The following RARB variants were observed in gnomAD, a reference collection of about 807,000 sequenced individuals.
RARB encodes the protein HBV-activated protein.
In RARB, 17 loss-of-function variants were observed where a neutral mutation model predicts 51.9. That is an observed-to-expected ratio of 0.33 (90% CI 0.22 to 0.49). The LOEUF is 0.49. RARB is among the 20% of genes least tolerant of loss of function. The pLI, the probability that RARB is intolerant of heterozygous loss-of-function variation, is 0.99. For synonymous variants in RARB, 215 were observed against 195.4 expected (o/e 1.10, Z -0.84); for missense variants, 369 against 550.8 (o/e 0.67, Z 3.30).
intron 5 of RARB, among the ~76,000 whole-genome samples, chr3:25,384,986 C>A (rs928886510): frequency 6.6e-6 from 1 of 152,144 alleles, no homozygotes; most frequent in East Asian, 1.9e-4. Flanking sequence ...TCTGTTTTGT[C>A]ATAAATGCAT....
At chr3:24,949,074 C>T (rs953427295) in intron 2 of RARB, among the ~76,000 whole-genome samples, 1 of 152,196 alleles carries the variant, frequency 6.6e-6, no homozygotes, top group East Asian at 1.9e-4. Context: ...GCTGAAAGAC[C>T]TGGGTCTTCT....
At chr3:25,126,952 T>C (rs1699869278) in intron 3 of RARB, among the ~76,000 whole-genome samples, 1 of 152,112 alleles carries the variant, frequency 6.6e-6, no homozygotes, top group African/African-American at 2.4e-5. Context: ...TTCCATCAAA[T>C]GCAAGTTCTT....
At chr3:25,342,239 C>T (rs1705250434) in intron 5 of RARB, among the ~76,000 whole-genome samples, 1 of 152,324 alleles carries the variant, frequency 6.6e-6, no homozygotes, top group East Asian at 1.9e-4. Context: ...AGTTTAGTCA[C>T]AGTATGAAGG....
chr3:25,435,451 C>A (rs539335060), intron 1 of RARB, among the ~76,000 whole-genome samples: 3 of 152,134 alleles, frequency 2.0e-5, no homozygotes, highest in Non-Finnish European at 2.9e-5. Flanking sequence ...GTCATGTCAT[C>A]AAAGTCCATA....
chr3:24,846,375 TA>T (rs1444702943), intron 1 of RARB, among the ~76,000 whole-genome samples: 1 of 152,182 alleles, frequency 6.6e-6, no homozygotes, highest in Non-Finnish European at 1.5e-5. Context: ...TACCATTCTT[TA>T]AAAAAATTCC....
chr3:24,897,186 T>A (rs954751291), intron 2 of RARB, among the ~76,000 whole-genome samples: 1 of 152,228 alleles, frequency 6.6e-6, no homozygotes, highest in Non-Finnish European at 1.5e-5. Context: ...TAGTTGGCTG[T>A]ATCTATCATT....
chr3:25,389,935 A>G (rs1479671366), intron 5 of RARB, among the ~76,000 whole-genome samples: 1 of 152,176 alleles, frequency 6.6e-6, no homozygotes, highest in Non-Finnish European at 1.5e-5. Context: ...TGTAGATAGC[A>G]AAAGGTTCCA....
intron 3 of RARB, among the ~76,000 whole-genome samples, chr3:25,108,854 C>T (rs921585559): frequency 1.3e-5 from 2 of 152,130 alleles, no homozygotes; most frequent in Admixed American, 1.3e-4. Flanking sequence ...AAATTAGTCT[C>T]ATTGTGTCAT....
intron 2 of RARB, among the ~76,000 whole-genome samples, chr3:24,910,678 A>G (rs975188483): frequency 3.3e-5 from 5 of 151,902 alleles, no homozygotes; most frequent in South Asian, 2.1e-4. Context: ...ATTTCCTTCC[A>G]TTTTCAACCC....
intron 2 of RARB, among the ~76,000 whole-genome samples, chr3:24,880,715 A>C (rs538714147): frequency 6.6e-6 from 1 of 152,318 alleles, no homozygotes; most frequent in African/African-American, 2.4e-5. Flanking sequence ...ATGCACAAGC[A>C]GATATGAAAA....
chr3:25,584,986 C>G (rs550090883), intron 5 of RARB, among the ~76,000 whole-genome samples: 2 of 151,314 alleles, frequency 1.3e-5, no homozygotes, highest in South Asian at 4.2e-4. Flanking sequence ...AATCCTGGCT[C>G]CACATAGATC....
At chr3:25,142,620 T>C (rs1416459501) in intron 4 of RARB, among the ~76,000 whole-genome samples, 4 of 151,584 alleles carry the variant, frequency 2.6e-5, no homozygotes, top group Admixed American at 2.6e-4. Flanking sequence ...ATCCCATCTG[T>C]GTCATATCTG....
chr3:25,103,151 A>G (rs1699435902), intron 3 of RARB, among the ~76,000 whole-genome samples: 1 of 152,152 alleles, frequency 6.6e-6, no homozygotes, highest in Non-Finnish European at 1.5e-5. Context: ...CAGGATCATG[A>G]GCTTCGTTCC....
At chr3:25,167,143 C>A (rs1700573529) in intron 4 of RARB, among the ~76,000 whole-genome samples, 1 of 152,192 alleles carries the variant, frequency 6.6e-6, no homozygotes, top group Admixed American at 6.5e-5. Flanking sequence ...TTAACTCCCT[C>A]TTCAGAGAAG....
chr3:25,082,368 T>C (rs1699024202), intron 3 of RARB, among the ~76,000 whole-genome samples: 1 of 152,120 alleles, frequency 6.6e-6, no homozygotes, highest in Non-Finnish European at 1.5e-5. Context: ...TTAATTCTTC[T>C]TTTTTCTGAT....
At chr3:25,309,406 T>A (rs1704232477) in intron 5 of RARB, among the ~76,000 whole-genome samples, 1 of 150,306 alleles carries the variant, frequency 6.7e-6, no homozygotes. Flanking sequence ...CCCAAAGTGC[T>A]GGGATAACAG....
At chr3:24,852,349 A>G (rs1207183904) in intron 1 of RARB, among the ~76,000 whole-genome samples, 7 of 152,206 alleles carry the variant, frequency 4.6e-5, no homozygotes. Flanking sequence ...CCCACCTAAC[A>G]AATCAGAAAC....
intron 2 of RARB, among the ~76,000 whole-genome samples, chr3:24,919,819 A>G (rs917305903): frequency 6.6e-6 from 1 of 152,172 alleles, no homozygotes; most frequent in African/African-American, 2.4e-5. Flanking sequence ...TGTCTCTAGC[A>G]GTTTCCTCTT....
chr3:25,523,438 T>G (rs6805350), intron 3 of RARB, among the ~76,000 whole-genome samples: 12,946 of 152,262 alleles, frequency 0.085, 733 homozygotes, highest in African/African-American at 0.17. Flanking sequence ...GGAAATTCCT[T>G]TTTAAAGACT....
Sources: gnomAD v4.1 joint callset for allele counts (sites outside exome capture counted in the v4.1 genomes callset) on GRCh38, gnomAD v4.1.1 for gene constraint, MANE v1.5 for transcripts, NCBI Gene and HGNC (gene_info 2026-07-23, HGNC 2026-07-21) for gene names.